Variants in SYN3 observed in about 807,000 individuals in gnomAD.
SYN3 encodes the protein synapsin-3.
In SYN3, 35 loss-of-function variants were observed where a neutral mutation model predicts 65.8. The ratio of observed to expected loss-of-function variants is 0.53; its 90% CI spans 0.41 to 0.70. The LOEUF (loss-of-function observed/expected upper bound fraction) is 0.70. Among genes scored for constraint, SYN3 ranks in the 30% least tolerant of loss-of-function variants. The pLI is 0.00. For synonymous variants in SYN3, 270 were observed against 292.9 expected, an observed-to-expected ratio of 0.92 and a Z score of 0.80; for missense variants, 680 against 749.0, an observed-to-expected ratio of 0.91 and a Z score of 1.08.
chr22:33,040,923 C>CT lies in SYN3; in HGVS notation c.-163+17368dup, dbSNP rs958870583. On this transcript the variant is annotated intron_variant, in intron 1 of 13. Coordinates refer to ENST00000358763, the MANE Select transcript of SYN3 (RefSeq NM_003490.4). Reference sequence around the variant, plus strand: ...ATAAATTGCCCAGTCTTGGGTATGTCTTTTTTTTTTGAGACAGAGTCTTGC... The same window carrying CT: ...ATAAATTGCCCAGTCTTGGGTATGTCTTTTTTTTTTTGAGACAGAGTCTTGC... 4.3e-4 allele frequency among the ~76,000 whole-genome samples: 64 copies of CT among 149,100 alleles called. 1 individual carries two copies. The highest frequency in any genetic ancestry group is 1.1e-3 in the African/African-American group (43 of 40,782).
rs371758873 is a variant in SYN3, at chr22:32,857,365, T to C, written c.711+7550A>G. On this transcript the variant is annotated intron_variant, in intron 6 of 13. Transcript: ENST00000358763. ...AGTACCAGTACCTGCTGACAGGTAA[T>C]GGCCAACTCTAGCTTCTAGGCCAGG... 232 of 1,610,158 alleles carry C rather than the reference T, an allele frequency of 1.4e-4. No homozygotes were observed. Among genetic ancestry groups the C allele is most frequent in the Non-Finnish European group, 1.9e-4 (221 of 1,176,534 alleles).
intron 6 of SYN3, among the ~76,000 whole-genome samples, chr22:32,670,208 C>T (rs757316217): frequency 1.5e-4 from 23 of 152,278 alleles, no homozygotes; most frequent in Admixed American, 6.5e-4. Context: ...CTAACTTATA[C>T]GCTTCTAAGT....
intron 2 of SYN3, among the ~76,000 whole-genome samples, chr22:32,988,835 G>A (rs1191274637): frequency 6.6e-6 from 1 of 152,082 alleles, no homozygotes; most frequent in Non-Finnish European, 1.5e-5. Flanking sequence ...ACGTCCTGGG[G>A]GCACCCAGGA....
intron 7 of SYN3, among the ~76,000 whole-genome samples, chr22:32,572,366 C>G (rs1213788316): frequency 1.1e-5 from 1 of 93,068 alleles, no homozygotes; most frequent in Non-Finnish European, 2.0e-5. Flanking sequence ...TACTTCCCTT[C>G]CACCCTCCCT....
At chr22:32,967,375 G>A (rs1423451166) in intron 3 of SYN3, among the ~76,000 whole-genome samples, 1 of 152,174 alleles carries the variant, frequency 6.6e-6, no homozygotes, top group Non-Finnish European at 1.5e-5. Flanking sequence ...AGACATTGTA[G>A]GGCACATAAA....
At chr22:32,744,168 G>A (rs1362674348) in intron 6 of SYN3, among the ~76,000 whole-genome samples, 1 of 152,100 alleles carries the variant, frequency 6.6e-6, no homozygotes, top group Non-Finnish European at 1.5e-5. Context: ...CATTTTGATA[G>A]AGAACAAACA....
At chr22:32,680,749 A>G (rs2147110997) in intron 6 of SYN3, among the ~76,000 whole-genome samples, 1 of 152,294 alleles carries the variant, frequency 6.6e-6, no homozygotes, top group East Asian at 1.9e-4. Context: ...CCTCTCTTTT[A>G]TGTTCATGGC....
chr22:32,850,809 G>A (rs759152065), intron 6 of SYN3, among the ~76,000 whole-genome samples: 48 of 152,146 alleles, frequency 3.2e-4, no homozygotes, highest in Admixed American at 1.6e-3. Context: ...CCACAGGCCT[G>A]GAAACTCCCC....
chr22:32,961,480 T>C (rs2051650241), intron 3 of SYN3, among the ~76,000 whole-genome samples: 1 of 152,204 alleles, frequency 6.6e-6, no homozygotes, highest in African/African-American at 2.4e-5. Context: ...TAGAGTTGTG[T>C]TGTCAGTGGG....
At chr22:32,643,545 A>G (rs1156933054) in intron 6 of SYN3, among the ~76,000 whole-genome samples, 1 of 8,208 alleles carries the variant, frequency 1.2e-4, no homozygotes, top group Non-Finnish European at 2.4e-4. Context: ...CAAATTAGAA[A>G]TGGTGGGGGG....
chr22:32,616,690 G>A (rs895840920), intron 6 of SYN3, among the ~76,000 whole-genome samples: 2 of 152,124 alleles, frequency 1.3e-5, no homozygotes, highest in South Asian at 2.1e-4. Context: ...TCCCAGGCTG[G>A]TGGGGGCAGC....
chr22:32,581,034 A>G (rs2058932579), intron 7 of SYN3, among the ~76,000 whole-genome samples: 1 of 152,198 alleles, frequency 6.6e-6, no homozygotes, highest in Admixed American at 6.5e-5. Flanking sequence ...TTAAGTATCT[A>G]CAATTTTTTA....
intron 6 of SYN3, among the ~76,000 whole-genome samples, chr22:32,605,174 G>A (rs941584871): frequency 5.3e-5 from 8 of 152,078 alleles, no homozygotes; most frequent in African/African-American, 1.4e-4. Flanking sequence ...TGTTGAATGC[G>A]TATTAGACGA....
Position 32,780,978 on chromosome 22 carries a change from C to CTT in SYN3, c.711+83936_711+83937insAA, listed in dbSNP as rs1452151080. Among the ~76,000 whole-genome samples, 152 of 69,348 alleles carry CTT rather than the reference C, an allele frequency of 2.2e-3. 3 individuals are homozygous for CTT. The highest frequency in any genetic ancestry group is 5.3e-3 in the African/African-American group (122 of 23,156). 45.5% of individuals were successfully genotyped at this position (69,348 alleles called of 152,430 possible). ...CCTTCCTTCCTTCCTTCCTTCCTTC[C>CTT]CTCCTTCCTTCCTCTCTCTCACCCC... is the stretch of plus-strand genomic sequence containing the variant. On this transcript the variant is annotated intron_variant, in intron 6 of 13. Coordinates refer to ENST00000358763, the MANE Select transcript of SYN3 (RefSeq NM_003490.4).
chr22:33,030,326 C>G (rs1364775685), intron 1 of SYN3, among the ~76,000 whole-genome samples: 1 of 152,162 alleles, frequency 6.6e-6, no homozygotes, highest in Non-Finnish European at 1.5e-5. Flanking sequence ...TTGCTTAGGG[C>G]TGTGATATGC....
Position 32,532,933 on chromosome 22 carries a change from G to T in SYN3, c.1095+860C>A, listed in dbSNP as rs998694292. On this transcript the variant is annotated intron_variant, in intron 10 of 13. Transcript: ENST00000358763. The stretch of plus-strand genomic sequence containing the variant: ...GTTATGGCGGACTCTGAGGCCAGAG[G>T]GGCCTTTTCAGGGGAAAGCAGTGGA... 3.3e-5 allele frequency among the ~76,000 whole-genome samples: 5 copies of T among 152,068 alleles called. No individual in the cohort carries two copies. In the East Asian group the frequency reaches 7.7e-4, roughly 24 times the overall value.
chr22:32,703,637 T>C (rs1485238303), intron 6 of SYN3, among the ~76,000 whole-genome samples: 1 of 144,990 alleles, frequency 6.9e-6, no homozygotes, highest in Non-Finnish European at 1.5e-5. Flanking sequence ...ACTCCATCGC[T>C]TAAAAAAAAA....
intron 3 of SYN3, among the ~76,000 whole-genome samples, chr22:32,979,992 C>G (rs1305134825): frequency 6.6e-6 from 1 of 152,090 alleles, no homozygotes; most frequent in East Asian, 1.9e-4. Flanking sequence ...AAGCTTTGAT[C>G]TGGAGCCAGG....
At chr22:33,027,656 AAAAG>A (rs1374586165) in intron 1 of SYN3, among the ~76,000 whole-genome samples, 2 of 151,744 alleles carry the variant, frequency 1.3e-5, no homozygotes, top group Non-Finnish European at 2.9e-5. Flanking sequence ...AGAGAGAAAG[AAAAG>A]AAAGAAAAAG....
Sources: allele counts gnomAD v4.1 joint callset (sites outside exome capture counted in the v4.1 genomes callset), GRCh38; gene constraint gnomAD v4.1.1; transcripts MANE v1.5; gene names NCBI Gene and HGNC (gene_info 2026-07-23, HGNC 2026-07-21).